The following PRKG1 variants were observed in gnomAD, a reference collection of about 807,000 sequenced individuals.
The protein encoded by PRKG1 is cGMP-dependent protein kinase 1.
Under a neutral mutation model 88.1 loss-of-function variants are expected in PRKG1, and 35 were observed. That is an observed-to-expected ratio of 0.40 (90% confidence interval 0.30 to 0.53). PRKG1 has a LOEUF of 0.53. Ranked by LOEUF, PRKG1 falls within the 20% of genes least tolerant of loss-of-function variation. PRKG1 has a pLI of 0.59. For missense variants in PRKG1, 540 were observed against 839.8 expected, an observed-to-expected ratio of 0.64 and a Z score of 4.41; for synonymous variants, 303 against 292.5, an observed-to-expected ratio of 1.04 and a Z score of -0.37.
intron 10 of PRKG1, among the ~76,000 whole-genome samples, chr10:52,266,427 G>C (rs1486020394): frequency 2.0e-5 from 3 of 151,636 alleles, no homozygotes; most frequent in Non-Finnish European, 4.4e-5. Flanking sequence ...GTGTCCATGT[G>C]CTCACATTAT....
At position 51,739,495 on chromosome 10, in the gene PRKG1, G is replaced by T. The variant is rs1410049461; in HGVS notation, c.593-65090G>T. Reference sequence around the variant, plus strand: ...TATCCCCAACAATGCCCATCTTCATGGGTATTGCTCCTAACAGCCTCCCAG... The same window carrying T: ...TATCCCCAACAATGCCCATCTTCATTGGTATTGCTCCTAACAGCCTCCCAG... On this transcript the variant is annotated intron_variant, in intron 3 of 17. Coordinates refer to ENST00000373980, the MANE Select transcript of PRKG1 (RefSeq NM_006258.4). Among the ~76,000 whole-genome samples, 3 of 152,034 alleles carry T rather than the reference G, an allele frequency of 2.0e-5. No homozygotes were observed. The East Asian group carries it at 5.8e-4, about 29-fold the overall frequency.
intron 2 of PRKG1, among the ~76,000 whole-genome samples, chr10:51,426,830 G>T (rs1838602176): frequency 6.6e-6 from 1 of 152,188 alleles, no homozygotes; most frequent in Middle Eastern, 3.2e-3. Flanking sequence ...CAGGTGATTT[G>T]TGCAAGGTGG....
At chr10:52,068,833 C>T (rs1271116894) in intron 7 of PRKG1, among the ~76,000 whole-genome samples, 1 of 152,178 alleles carries the variant, frequency 6.6e-6, no homozygotes, top group East Asian at 1.9e-4. Context: ...TAAACTAAGC[C>T]AATTGAACTA....
At chr10:51,465,323 G>A (rs964426206) in intron 2 of PRKG1, among the ~76,000 whole-genome samples, 6 of 152,116 alleles carry the variant, frequency 3.9e-5, no homozygotes, top group Non-Finnish European at 7.4e-5. Context: ...ATGGCCCATA[G>A]GTTTCTTTCT....
At chr10:51,413,429 G>A (rs1031890275) in intron 2 of PRKG1, among the ~76,000 whole-genome samples, 1 of 151,704 alleles carries the variant, frequency 6.6e-6, no homozygotes, top group Non-Finnish European at 1.5e-5. Flanking sequence ...GCAATGGCAC[G>A]ATCACTGCAA....
chr10:51,215,023 CA>C (rs1486691412), intron 2 of PRKG1, among the ~76,000 whole-genome samples: 1 of 152,140 alleles, frequency 6.6e-6, no homozygotes. Context: ...TTGGCTGAAG[CA>C]AGTTACAGCG....
intron 14 of PRKG1, among the ~76,000 whole-genome samples, chr10:52,287,973 C>T (rs973671416): frequency 6.6e-6 from 1 of 152,066 alleles, no homozygotes. Flanking sequence ...AAAACAATCA[C>T]ACAAATGAAA....
intron 3 of PRKG1, among the ~76,000 whole-genome samples, chr10:51,631,338 G>T (rs1043387508): frequency 1.3e-5 from 2 of 152,132 alleles, no homozygotes; most frequent in Admixed American, 1.3e-4. Flanking sequence ...CATGGATGGA[G>T]TGGTAAATAA....
intron 3 of PRKG1, among the ~76,000 whole-genome samples, chr10:51,649,472 G>T (rs189227722): frequency 6.6e-6 from 1 of 152,068 alleles, no homozygotes; most frequent in East Asian, 1.9e-4. Context: ...TAAAGAACAT[G>T]CTTGCTGAAT....
intron 1 of PRKG1, among the ~76,000 whole-genome samples, chr10:51,135,076 A>G (rs1845656454): frequency 6.6e-6 from 1 of 152,174 alleles, no homozygotes; most frequent in Non-Finnish European, 1.5e-5. Flanking sequence ...TATTGAACAA[A>G]TAAGTTTAAG....
At chr10:51,013,946 A>C (rs1051891655) in intron 1 of PRKG1, among the ~76,000 whole-genome samples, 2 of 152,214 alleles carry the variant, frequency 1.3e-5, no homozygotes, top group Non-Finnish European at 2.9e-5. Context: ...CTGGGTTAAA[A>C]AAATATATAA....
intron 3 of PRKG1, among the ~76,000 whole-genome samples, chr10:51,735,677 A>G (rs1295720039): frequency 6.6e-6 from 1 of 151,934 alleles, no homozygotes; most frequent in Non-Finnish European, 1.5e-5. Context: ...GTATACTTTA[A>G]ATTATCTCGA....
intron 1 of PRKG1, among the ~76,000 whole-genome samples, chr10:51,015,315 CCTA>C (rs2132728086): frequency 6.6e-6 from 1 of 152,300 alleles, no homozygotes; most frequent in Admixed American, 6.5e-5. Context: ...TTATTTAAAA[CCTA>C]CTATGTTCAA....
chr10:51,449,997 T>C (rs1839388661), intron 2 of PRKG1, among the ~76,000 whole-genome samples: 1 of 152,080 alleles, frequency 6.6e-6, no homozygotes, highest in East Asian at 1.9e-4. Flanking sequence ...TAATACCATT[T>C]AGAGATATTT....
intron 7 of PRKG1, among the ~76,000 whole-genome samples, chr10:52,066,901 AAATG>A (rs1486053118): frequency 6.6e-6 from 1 of 152,208 alleles, no homozygotes; most frequent in Non-Finnish European, 1.5e-5. Context: ...CCTTTGCTTC[AAATG>A]AAGGAAGCCT....
chr10:52,283,296 A>C (rs1842040031), intron 14 of PRKG1, among the ~76,000 whole-genome samples: 1 of 152,080 alleles, frequency 6.6e-6, no homozygotes, highest in Non-Finnish European at 1.5e-5. Flanking sequence ...GAGAGCCTAG[A>C]GTAGGGCAAG....
chr10:51,868,865 G>C (rs1445592812), intron 4 of PRKG1, among the ~76,000 whole-genome samples: 1 of 152,158 alleles, frequency 6.6e-6, no homozygotes, highest in Non-Finnish European at 1.5e-5. Context: ...GGATAAACTA[G>C]ACTTTTTCTG....
rs747384340 is a variant in PRKG1 at position 50,991,783 on chromosome 10, C to T, written c.266+139C>T. 1.8e-5 allele frequency: 10 copies of T among 554,880 alleles called. No individual in the cohort carries two copies. The highest frequency in any genetic ancestry group is 4.1e-5 in the African/African-American group (2 of 48,552). 34.4% of individuals were successfully genotyped at this position (554,880 alleles called of 1,614,324 possible). Reference sequence around the variant, plus strand: ...GGCGCGCGGAGTGGGGGTGGCCCCGCGGCCCGGGAATGGGAAGTGTTTATT... The same window carrying T: ...GGCGCGCGGAGTGGGGGTGGCCCCGTGGCCCGGGAATGGGAAGTGTTTATT... On this transcript the variant is annotated intron_variant, in intron 1 of 17. Coordinates refer to the PRKG1 transcript ENST00000401604. The surrounding 1 kb of genome is among the most constrained non-coding windows in gnomAD (Gnocchi z 4.5).
chr10:52,160,161 G>A (rs113058162), intron 8 of PRKG1, among the ~76,000 whole-genome samples: 9 of 151,870 alleles, frequency 5.9e-5, no homozygotes, highest in East Asian at 1.9e-4. Context: ...TTGTGAACGC[G>A]TCTAGCCTTA....
Sources: gnomAD v4.1 joint callset for allele counts (sites outside exome capture counted in the v4.1 genomes callset) on GRCh38, gnomAD v4.1.1 for gene constraint, Gnocchi (gnomAD v3.1) non-coding constraint, MANE v1.5 for transcripts, NCBI Gene and HGNC (gene_info 2026-07-23, HGNC 2026-07-21) for gene names.